The following ABHD3 variants were observed in gnomAD, a reference collection of about 807,000 sequenced individuals.
ABHD3 encodes phospholipase ABHD3.
ABHD3 carries 46 observed loss-of-function variants against 48.8 expected under a neutral mutation model. The ratio of observed to expected loss-of-function variants is 0.94; its 90% CI spans 0.74 to 1.20. ABHD3 has a LOEUF of 1.20. Ranked by LOEUF, ABHD3 falls within the 50% of genes most tolerant of loss-of-function variation. The pLI is 0.00. For synonymous variants in ABHD3, 192 were observed against 183.7 expected, an observed-to-expected ratio of 1.04 and a Z score of -0.36; for missense variants, 490 against 497.8, an observed-to-expected ratio of 0.98 and a Z score of 0.15.
chr18:21,702,581 T>C, intron 2 of ABHD3, 83 bp from the exon 3 acceptor site: 1 of 1,214,332 alleles, frequency 8.2e-7, no homozygotes, highest in Non-Finnish European at 1.1e-6. Flanking sequence ...ATGACATTAT[T>C]TGCTCATCAA....
At chr18:21,674,648 T>A (rs1348468352) in intron 4 of ABHD3, among the ~76,000 whole-genome samples, 1 of 152,188 alleles carries the variant, frequency 6.6e-6, no homozygotes, top group Admixed American at 6.6e-5. Context: ...TACACCTGGC[T>A]GAGACCAGCC....
intron 3 of ABHD3, among the ~76,000 whole-genome samples, chr18:21,687,071 G>C (rs1317248486): frequency 6.6e-6 from 1 of 151,710 alleles, no homozygotes; most frequent in Non-Finnish European, 1.5e-5. Flanking sequence ...ACCATGCCTG[G>C]CTAATTTTTA....
At chr18:21,703,886 TCA>T (rs993374403) in intron 1 of ABHD3, 139 bp from the exon 2 acceptor site, 94 of 861,958 alleles carry the variant, frequency 1.1e-4, no homozygotes, top group East Asian at 1.6e-4. Context: ...CGCAAAAAAT[TCA>T]CAGTCACAGA....
chr18:21,676,746 G>A (rs2039892867), intron 4 of ABHD3, among the ~76,000 whole-genome samples: 1 of 152,090 alleles, frequency 6.6e-6, no homozygotes, highest in African/African-American at 2.4e-5. Flanking sequence ...CTAGAGTCAG[G>A]TACCCTGAGG....
intron 3 of ABHD3, among the ~76,000 whole-genome samples, chr18:21,694,776 G>A (rs947422479): frequency 2.6e-5 from 4 of 151,922 alleles, no homozygotes; most frequent in East Asian, 1.9e-4. Context: ...CTTCCTCATC[G>A]CTCTACTGAG....
At chr18:21,695,749 A>C (rs1317884348) in intron 3 of ABHD3, among the ~76,000 whole-genome samples, 2 of 152,126 alleles carry the variant, frequency 1.3e-5, no homozygotes, top group Admixed American at 6.5e-5. Context: ...TACATGAGAG[A>C]AATAAGTTTA....
intron 8 of ABHD3, among the ~76,000 whole-genome samples, chr18:21,655,488 C>T (rs1053799561): frequency 2.9e-4 from 44 of 151,838 alleles, no homozygotes; most frequent in African/African-American, 9.4e-4. Context: ...AATTTCATTG[C>T]GTGGGCCAGG....
At chr18:21,673,440 G>A (rs1245413467) in intron 4 of ABHD3, among the ~76,000 whole-genome samples, 2 of 151,666 alleles carry the variant, frequency 1.3e-5, no homozygotes. Context: ...TTACAGACAT[G>A]CACCACCACA....
intron 3 of ABHD3, among the ~76,000 whole-genome samples, chr18:21,691,120 C>T (rs2040243251): frequency 6.6e-6 from 1 of 151,770 alleles, no homozygotes; most frequent in African/African-American, 2.4e-5. Flanking sequence ...CACAAACACT[C>T]AGCAAAAAAA....
At chr18:21,666,847 T>C (rs759524822) in intron 4 of ABHD3, among the ~76,000 whole-genome samples, 1 of 152,084 alleles carries the variant, frequency 6.6e-6, no homozygotes, top group Non-Finnish European at 1.5e-5. Flanking sequence ...GAGGGGGCAA[T>C]CCTCTCGGTA....
chr18:21,686,681 A>G (rs1275511278), intron 3 of ABHD3, among the ~76,000 whole-genome samples: 1 of 152,216 alleles, frequency 6.6e-6, no homozygotes, highest in Non-Finnish European at 1.5e-5. Context: ...ATCATTGTAT[A>G]CTTAAAGCCT....
intron 3 of ABHD3, among the ~76,000 whole-genome samples, chr18:21,688,790 G>T (rs1319648090): frequency 1.3e-5 from 2 of 152,150 alleles, no homozygotes; most frequent in Admixed American, 1.3e-4. Context: ...CCAGCAAAAG[G>T]CAAGTGTGAG....
chr18:21,657,128 T>C lies in ABHD3; in HGVS notation c.867A>G (p.Gln289=). The change falls in exon 7 of 9, where the codon CAA becomes CAG. Residue 289 remains glutamine, a synonymous_variant. Transcript: ENST00000289119. ...VNKHRHMFVK[Q]VDMDHVMKAK... is the part of the protein sequence containing the mutation. The stretch of plus-strand genomic sequence containing the variant: ...CCTTCATGACATGATCCATATCAAC[T>C]TGTTTTACAAACATATGTCGGTGCC... 2 of 1,611,968 alleles carry C rather than the reference T, an allele frequency of 1.2e-6. No individual in the cohort carries two copies. The highest frequency in any genetic ancestry group is 1.7e-6 in the Non-Finnish European group (2 of 1,179,004).
At chr18:21,664,920 C>T (rs575256128) in intron 4 of ABHD3, among the ~76,000 whole-genome samples, 3 of 152,254 alleles carry the variant, frequency 2.0e-5, no homozygotes, top group African/African-American at 7.2e-5. Context: ...TAGGTGTGAG[C>T]CTGTGCCTGG....
At chr18:21,664,983 TG>T (rs1323139469) in intron 4 of ABHD3, among the ~76,000 whole-genome samples, 1 of 152,008 alleles carries the variant, frequency 6.6e-6, no homozygotes, top group Non-Finnish European at 1.5e-5. Context: ...TTTGCTCTGT[TG>T]CCCAGGCTGG....
intron 5 of ABHD3, among the ~76,000 whole-genome samples, chr18:21,663,014 C>T (rs569041059): frequency 2.6e-5 from 4 of 152,250 alleles, no homozygotes; most frequent in African/African-American, 9.6e-5. Context: ...AGAGAGTCTG[C>T]GTGGGTTTTC....
rs142893562 is a variant in ABHD3, at chr18:21,664,559, GA to G, written c.556-330del. 1,408 of 190,140 alleles carry G rather than the reference GA, an allele frequency of 7.4e-3. 20 individuals carry two copies. The highest frequency in any genetic ancestry group is 0.031 in the African/African-American group (1,324 of 42,612). 11.8% of individuals were successfully genotyped at this position (190,140 alleles called of 1,614,324 possible). On this transcript the variant is annotated intron_variant, in intron 4 of 8. Transcript: ENST00000289119. The stretch of plus-strand genomic sequence containing the variant: ...CTCCAACTTAACCAGAGCAGTTTAG[GA>G]AAAAAAGCAGAGAACTGTGCTTTCT...
intron 6 of ABHD3, 29 bp from the exon 7 acceptor site, chr18:21,657,181 A>G: frequency 6.3e-7 from 1 of 1,580,478 alleles, no homozygotes. Context: ...GGAAGTAAAA[A>G]TCAAGATCAT....
chr18:21,701,873 A>G (rs1172236953), intron 3 of ABHD3: 1 of 152,754 alleles, frequency 6.5e-6, no homozygotes, highest in Admixed American at 6.5e-5. Flanking sequence ...ACAACCTACA[A>G]GCTGATTCTG....
Sources: allele counts gnomAD v4.1 joint callset (sites outside exome capture counted in the v4.1 genomes callset), GRCh38; gene constraint gnomAD v4.1.1; transcripts MANE v1.5; gene names NCBI Gene and HGNC (gene_info 2026-07-23, HGNC 2026-07-21).